The following PHF12 variants were observed in gnomAD, a reference collection of about 807,000 sequenced individuals.
The protein encoded by PHF12 is PHD factor 1.
PHF12 carries 6 observed loss-of-function variants against 99.8 expected under a neutral mutation model. That is an observed-to-expected ratio of 0.06 (90% CI 0.03 to 0.12). PHF12 has a LOEUF of 0.12. Ranked by LOEUF, PHF12 falls within the 10% of genes least tolerant of loss-of-function variation. The pLI is 1.00. For missense variants in PHF12, 954 were observed against 1,300.1 expected, an observed-to-expected ratio of 0.73 and a Z score of 4.09; for synonymous variants, 480 against 514.9, an observed-to-expected ratio of 0.93 and a Z score of 0.92.
intron 2 of PHF12, among the ~76,000 whole-genome samples, chr17:28,927,314 A>G (rs1466158970): frequency 6.6e-6 from 1 of 152,094 alleles, no homozygotes; most frequent in African/African-American, 2.4e-5. Flanking sequence ...AAGGTATAAT[A>G]AAATAACTGA....
rs931971175 is a variant in PHF12, at chr17:28,912,376, C to T, written c.2089+106G>A. 6.9e-6 allele frequency: 10 copies of T among 1,450,886 alleles called. No homozygotes were observed. The African/African-American group carries it at 1.0e-4, about 15-fold the overall frequency. The allele number at this position is 1,450,886 out of a possible 1,614,324, so 89.9% of individuals were successfully genotyped here. A position where few individuals can be genotyped will look rare whatever the true frequency, so the allele number is the denominator to read the frequency against. ...AGAGTAAGACAAACAATACAAAGGCCAAAGTCCTCTGAAGTATTCACAGGG... is the reference window on the plus strand; with the variant it reads ...AGAGTAAGACAAACAATACAAAGGCTAAAGTCCTCTGAAGTATTCACAGGG... On this transcript the variant is annotated intron_variant, in intron 9 of 14. Coordinates refer to ENST00000332830, the MANE Select transcript of PHF12 (RefSeq NM_001033561.2).
chr17:28,914,356 G>T (rs754730505), intron 7 of PHF12, among the ~76,000 whole-genome samples: 1 of 152,134 alleles, frequency 6.6e-6, no homozygotes, highest in Non-Finnish European at 1.5e-5. Flanking sequence ...AAGTTTGGGA[G>T]TGGGTGAGCA....
intron 10 of PHF12, 177 bp downstream of exon 10, chr17:28,910,935 G>A (rs1389561868): frequency 1.6e-5 from 13 of 802,268 alleles, no homozygotes; most frequent in Non-Finnish European, 2.5e-5. Flanking sequence ...AGCTACAGAA[G>A]GAGCTTTCTT....
intron 2 of PHF12, chr17:28,944,426 C>G: frequency 1.2e-6 from 1 of 851,756 alleles, no homozygotes; most frequent in Non-Finnish European, 1.4e-6. Context: ...GACACTTGCA[C>G]TCATTTCATA....
At chr17:28,919,486 A>C (rs901206850) in intron 5 of PHF12, among the ~76,000 whole-genome samples, 2 of 152,216 alleles carry the variant, frequency 1.3e-5, no homozygotes, top group Admixed American at 1.3e-4. Flanking sequence ...TAATCCCTGC[A>C]CTTTGGGAGG....
chr17:28,918,308 A>C (rs1228681855), intron 6 of PHF12, among the ~76,000 whole-genome samples: 1 of 152,204 alleles, frequency 6.6e-6, no homozygotes, highest in African/African-American at 2.4e-5. Context: ...TTTCTGGTTC[A>C]TCAGGAAGCA....
chr17:28,924,357 G>C, intron 3 of PHF12, 55 bp from the exon 4 acceptor site: 1 of 1,611,710 alleles, frequency 6.2e-7, no homozygotes, highest in Non-Finnish European at 8.5e-7. Flanking sequence ...ACAAAGAGAT[G>C]GGTGCTACAA....
chr17:28,912,751 G>A lies in PHF12; in HGVS notation c.1820C>T (p.Ala607Val), dbSNP rs1351888646. 9 of 1,614,156 alleles carry A rather than the reference G, an allele frequency of 5.6e-6. No individual in the cohort carries two copies. The highest frequency in any genetic ancestry group is 6.8e-6 in the Non-Finnish European group (8 of 1,180,000). The change falls in exon 9 of 15, where the codon GCC becomes GTC. Residue 607 changes from alanine to valine, a missense_variant. This residue lies in a region of PHF12 where 392 missense variants were observed against 423.1 expected (regional missense o/e 0.93). Coordinates refer to ENST00000332830, the MANE Select transcript of PHF12 (RefSeq NM_001033561.2). Reference protein sequence around the residue: ...TVGIIVKTENATGPSSCPQRS... With the variant: ...TVGIIVKTENVTGPSSCPQRS... ...CTGGGGGCAAGAGCTGGGGCCAGTG[G>A]CATTCTCTGTCTTCACAATGATGCC...
At chr17:28,925,534 G>T (rs2040256018) in intron 3 of PHF12, 1 of 152,358 alleles carries the variant, frequency 6.6e-6, no homozygotes, top group Admixed American at 6.5e-5. Context: ...AGAGGTCCAT[G>T]TGAAAGGTAA....
rs2040764201 is a variant in PHF12 at position 28,949,104 on chromosome 17, G to A, written c.248+961C>T. Among the ~76,000 whole-genome samples the A allele has an allele frequency of 6.6e-6, 1 of 152,164 alleles. No individual in the cohort carries two copies. The highest frequency in any genetic ancestry group is 2.4e-5 in the African/African-American group (1 of 41,438). Reference sequence around the variant, plus strand: ...TCCCCTCCTCTCATGTCCAGTAAGGGGGAAAAAGCGTACGGCTTTCCAGCT... The same window carrying A: ...TCCCCTCCTCTCATGTCCAGTAAGGAGGAAAAAGCGTACGGCTTTCCAGCT... On this transcript the variant is annotated intron_variant, in intron 2 of 14. Transcript: ENST00000332830. This position sits in a 1 kb window ranked among gnomAD's most constrained non-coding sequence, Gnocchi z 4.6.
At chr17:28,912,012 TG>T (rs1364739865) in intron 9 of PHF12, 2 of 864,808 alleles carry the variant, frequency 2.3e-6, no homozygotes, top group Non-Finnish European at 2.8e-6. Flanking sequence ...CTTCCTGACA[TG>T]GAAGTTCATC....
At chr17:28,945,379 T>A (rs2040702953) in intron 2 of PHF12, 1 of 152,184 alleles carries the variant, frequency 6.6e-6, no homozygotes, top group East Asian at 1.9e-4. Flanking sequence ...CACAGAGACC[T>A]TTTTACTCTC....
Position 28,906,191 on chromosome 17 carries a change from C to T in PHF12, c.3007G>A (p.Val1003Ile). 1 of 1,585,156 alleles carries T rather than the reference C, an allele frequency of 6.3e-7. No individual in the cohort carries two copies. Among genetic ancestry groups the T allele is most frequent in the Non-Finnish European group, 8.6e-7 (1 of 1,160,466 alleles). The change falls in exon 15 of 15, where the codon GTT becomes ATT. Residue 1003 changes from valine to isoleucine, a missense_variant. Around this residue, in one of 8 missense-constraint regions of PHF12, gnomAD observed 136 missense variants for 172.3 expected, o/e 0.79. Transcript: ENST00000332830. This position sits in a 1 kb window ranked among gnomAD's most constrained non-coding sequence, Gnocchi z 4.2. ...HQGPVLRSNS[V>I]P The stretch of plus-strand genomic sequence containing the variant: ...CGGGGTAGCCGCCAGTCCTAAGGAA[C>T]AGAGTTGGAGCGCAGCACAGGGCCC...
intron 2 of PHF12, among the ~76,000 whole-genome samples, chr17:28,942,165 C>T (rs1026361765): frequency 2.6e-5 from 4 of 152,142 alleles, no homozygotes; most frequent in East Asian, 1.9e-4. Context: ...CTGGAGCTCA[C>T]GGAAGAAACT....
chr17:28,931,616 G>A (rs868347883), intron 2 of PHF12, among the ~76,000 whole-genome samples: 3 of 144,388 alleles, frequency 2.1e-5, no homozygotes, highest in South Asian at 2.2e-4. Context: ...TAGTCTCACC[G>A]TATCACCCAA....
chr17:28,946,951 T>G (rs1302083466), intron 2 of PHF12, among the ~76,000 whole-genome samples: 1 of 152,122 alleles, frequency 6.6e-6, no homozygotes, highest in African/African-American at 2.4e-5. Flanking sequence ...ATAACCTTAC[T>G]CTCACATGAT....
At chr17:28,913,729 A>G in intron 8 of PHF12, 150 bp downstream of exon 8, 3 of 1,164,356 alleles carry the variant, frequency 2.6e-6, no homozygotes, top group Non-Finnish European at 2.4e-6. Flanking sequence ...TTTGAGCCAG[A>G]AGTTCCCCCT....
At chr17:28,940,464 T>C (rs946138641) in intron 2 of PHF12, among the ~76,000 whole-genome samples, 3 of 152,246 alleles carry the variant, frequency 2.0e-5, no homozygotes, top group Non-Finnish European at 2.9e-5. Context: ...AAGGTGCACA[T>C]GTAATTTACT....
chr17:28,914,087 G>A, intron 7 of PHF12, 50 bp from the exon 8 acceptor site: 1 of 1,536,204 alleles, frequency 6.5e-7, no homozygotes, highest in Non-Finnish European at 8.9e-7. Flanking sequence ...GTTCCAACAT[G>A]TCTAGTTGAT....
Sources: gnomAD v4.1 joint callset for allele counts (sites outside exome capture counted in the v4.1 genomes callset) on GRCh38, gnomAD v4.1.1 for gene constraint, gnomAD v4.1.1 regional missense constraint, Gnocchi (gnomAD v3.1) non-coding constraint, MANE v1.5 for transcripts, NCBI Gene and HGNC (gene_info 2026-07-23, HGNC 2026-07-21) for gene names.